The following LAMA1 variants were observed in gnomAD, a reference collection of about 807,000 sequenced individuals.
LAMA1 encodes the protein laminin subunit alpha-1.
A neutral mutation model predicts 348.7 loss-of-function variants in LAMA1; 219 were observed. The ratio of observed to expected loss-of-function variants is 0.63; its 90% CI spans 0.56 to 0.70. LAMA1 has a LOEUF of 0.70. Ranked by LOEUF, LAMA1 falls within the 30% of genes least tolerant of loss-of-function variation. LAMA1 has a pLI of 0.00. For synonymous variants in LAMA1, 1,487 were observed against 1,491.0 expected, an observed-to-expected ratio of 1.00 and a Z score of 0.06; for missense variants, 3,744 against 3,888.0, an observed-to-expected ratio of 0.96 and a Z score of 0.99.
In LAMA1 at chr18:6,964,849, T is replaced by C. The variant is rs760605291; in HGVS notation, c.7196-46A>G. On this transcript the variant is annotated intron_variant, in intron 50 of 62. Transcript: ENST00000389658. ...AGAGATAAGAAAAGGAAAATCCCTTTCCATGTTAAGGTAAAATGCAAACTT... is the reference window on the plus strand; with the variant it reads ...AGAGATAAGAAAAGGAAAATCCCTTCCCATGTTAAGGTAAAATGCAAACTT... 4 of 1,609,746 alleles carry C rather than the reference T, an allele frequency of 2.5e-6. No individual in the cohort carries two copies. In the East Asian group the frequency reaches 8.9e-5, roughly 36 times the overall value.
At chr18:7,099,294 C>A (rs1027637302) in intron 1 of LAMA1, among the ~76,000 whole-genome samples, 3 of 150,684 alleles carry the variant, frequency 2.0e-5, no homozygotes, top group South Asian at 4.3e-4. Context: ...GTCATCACCA[C>A]TCCCTAATCT....
At chr18:7,115,416 G>T (rs765097988) in intron 1 of LAMA1, among the ~76,000 whole-genome samples, 1 of 152,066 alleles carries the variant, frequency 6.6e-6, no homozygotes, top group Non-Finnish European at 1.5e-5. Flanking sequence ...CTTAGGAGGA[G>T]CTCACTTGAA....
In LAMA1 at chr18:7,015,851, G is replaced by C; in HGVS notation, c.2997C>G (p.Asp999Glu). 1 of 1,614,140 alleles carries C rather than the reference G, an allele frequency of 6.2e-7. No individual in the cohort carries two copies. The highest frequency in any genetic ancestry group is 8.5e-7 in the Non-Finnish European group (1 of 1,180,014). Residue 999 changes from aspartate (D) to glutamate (E), a missense_variant, in exon 22 of 63, where the codon GAC (aspartate) becomes GAG (glutamate). Asp to Glu is a conservative substitution (Grantham distance 45). This residue lies in a region of LAMA1 where 1,529 missense variants were observed against 1,689.4 expected (regional missense o/e 0.91). Transcript: ENST00000389658. ...AYQDGSCTPC[D>E]CPHTQNTCDP... ...CGCAGGTATTCTGAGTGTGTGGGCAGTCACAGGCTGAAATAAAGATGAATG... is the reference window on the plus strand; with the variant it reads ...CGCAGGTATTCTGAGTGTGTGGGCACTCACAGGCTGAAATAAAGATGAATG...
intron 3 of LAMA1, among the ~76,000 whole-genome samples, chr18:7,055,850 G>A (rs1255734096): frequency 6.6e-6 from 1 of 152,116 alleles, no homozygotes; most frequent in African/African-American, 2.4e-5. Flanking sequence ...GGGAGGCCGA[G>A]GCGGGCGGAT....
At chr18:7,002,189 G>A in intron 30 of LAMA1, 75 bp downstream of exon 30, 2 of 1,580,488 alleles carry the variant, frequency 1.3e-6, no homozygotes, top group South Asian at 2.2e-5. Context: ...ACCACTCAGA[G>A]ACCCTTGAAA....
At chr18:7,116,378 C>A (rs1046556350) in intron 1 of LAMA1, among the ~76,000 whole-genome samples, 1 of 152,220 alleles carries the variant, frequency 6.6e-6, no homozygotes, top group Admixed American at 6.5e-5. Context: ...CTCCTTTCTT[C>A]TGGCTGATAA....
chr18:7,025,516 A>G (rs1383852560), intron 17 of LAMA1, among the ~76,000 whole-genome samples: 1 of 152,188 alleles, frequency 6.6e-6, no homozygotes, highest in Non-Finnish European at 1.5e-5. Context: ...CACCTGCTGT[A>G]AAACTCAGGA....
At chr18:7,019,305 G>A (rs1031901681) in intron 19 of LAMA1, among the ~76,000 whole-genome samples, 12 of 151,922 alleles carry the variant, frequency 7.9e-5, no homozygotes, top group African/African-American at 2.7e-4. Flanking sequence ...CTTTTGCATC[G>A]CCCTCTTCCT....
rs111766080 is a variant in LAMA1, at chr18:7,049,336, T to G, written c.589-79A>C. 7.6e-3 allele frequency: 10,308 copies of G among 1,356,410 alleles called. 598 individuals carry two copies. In the African/African-American group the frequency reaches 0.12, roughly 16 times the overall value. 84.0% of individuals were successfully genotyped at this position (1,356,410 alleles called of 1,614,324 possible). On this transcript the variant is annotated intron_variant, in intron 4 of 62. Coordinates refer to ENST00000389658, the MANE Select transcript of LAMA1 (RefSeq NM_005559.4). Reference sequence around the variant, plus strand: ...ATTTTTTGAGATGGCGTCTCGCTCTTTGGTCCAGGCTGGAGTGCAGTGGCA... The same window carrying G: ...ATTTTTTGAGATGGCGTCTCGCTCTGTGGTCCAGGCTGGAGTGCAGTGGCA...
chr18:6,967,931 C>G (rs766335533), intron 48 of LAMA1, among the ~76,000 whole-genome samples: 1 of 151,968 alleles, frequency 6.6e-6, no homozygotes, highest in South Asian at 2.1e-4. Context: ...GAGGTGGCCA[C>G]GAAGAGGGGG....
chr18:6,973,214 G>A lies in LAMA1; in HGVS notation c.6624-7C>T, dbSNP rs897470941. ...TGAACCAATGTTTCCAAATCTAAGG[G>A]TTACAAAGAATTGCAAAAGAAATTT... On this transcript the variant is annotated splice_region_variant and splice_polypyrimidine_tract_variant and intron_variant, in intron 46 of 62. Coordinates refer to ENST00000389658, the MANE Select transcript of LAMA1 (RefSeq NM_005559.4). 6.2e-7 allele frequency: 1 copy of A among 1,613,844 alleles called. No homozygotes were observed. Among genetic ancestry groups the A allele is most frequent in the South Asian group, 1.1e-5 (1 of 91,072 alleles).
chr18:7,022,606 C>T (rs930718331), intron 19 of LAMA1, among the ~76,000 whole-genome samples: 3 of 152,210 alleles, frequency 2.0e-5, no homozygotes, highest in Non-Finnish European at 2.9e-5. Flanking sequence ...ATCATCCCTC[C>T]GGCCAGGTCA....
chr18:7,006,221 G>A (rs1024964622), intron 29 of LAMA1, among the ~76,000 whole-genome samples: 12 of 152,104 alleles, frequency 7.9e-5, no homozygotes, highest in Non-Finnish European at 1.3e-4. Context: ...TCAGGGCTGC[G>A]AGGCTTCTGT....
chr18:7,022,052 T>A (rs1385704217), intron 19 of LAMA1, among the ~76,000 whole-genome samples: 2 of 151,832 alleles, frequency 1.3e-5, no homozygotes, highest in African/African-American at 4.8e-5. Context: ...TAGCCCAATG[T>A]CACACAGTTG....
chr18:7,005,310 C>T (rs1250173371), intron 29 of LAMA1, among the ~76,000 whole-genome samples: 1 of 152,230 alleles, frequency 6.6e-6, no homozygotes, highest in African/African-American at 2.4e-5. Flanking sequence ...CCAACAGATG[C>T]ATGGTCAGGG....
chr18:6,989,104 C>A (rs1283984776), intron 36 of LAMA1, among the ~76,000 whole-genome samples: 1 of 152,138 alleles, frequency 6.6e-6, no homozygotes, highest in Non-Finnish European at 1.5e-5. Flanking sequence ...GCAGAGGGTG[C>A]CTACCAGTAC....
chr18:7,009,374 A>G lies in LAMA1; in HGVS notation c.3874-8T>C, dbSNP rs768812295. 4.3e-6 allele frequency: 7 copies of G among 1,613,974 alleles called. No individual in the cohort carries two copies. The South Asian group carries it at 7.7e-5, about 18-fold the overall frequency. On this transcript the variant is annotated splice_region_variant and splice_polypyrimidine_tract_variant and intron_variant, in intron 26 of 62. Transcript: ENST00000389658. ...AAAATATTTCCAAAAATTCTGTAGA[A>G]TGAGAAACACATTCAATTAAGCTCA...
chr18:6,990,081 G>A (rs1427156657), intron 36 of LAMA1, among the ~76,000 whole-genome samples: 2 of 152,166 alleles, frequency 1.3e-5, no homozygotes, highest in African/African-American at 4.8e-5. Flanking sequence ...AGTCATTAAG[G>A]ACTATATCAT....
intron 1 of LAMA1, among the ~76,000 whole-genome samples, chr18:7,112,591 T>C (rs7230973): frequency 0.11 from 17,001 of 150,670 alleles, 2,485 homozygotes; most frequent in African/African-American, 0.35. Context: ...GGATTATCTA[T>C]TAAAATATAT....
Sources: allele counts gnomAD v4.1 joint callset (sites outside exome capture counted in the v4.1 genomes callset), GRCh38; gene constraint gnomAD v4.1.1; regional missense constraint gnomAD v4.1.1; transcripts MANE v1.5; gene names NCBI Gene and HGNC (gene_info 2026-07-23, HGNC 2026-07-21).